Variants in CNTLN observed in about 807,000 individuals in gnomAD.
CNTLN encodes the protein centlein, centrosomal protein.
CNTLN carries 212 observed loss-of-function variants against 180.0 expected under a neutral mutation model. The observed-to-expected ratio is 1.18, with a 90% CI of 1.05 to 1.32. CNTLN has a LOEUF of 1.32. CNTLN is among the 40% of genes most tolerant of loss of function. The pLI is 0.00. For missense variants in CNTLN, 2,095 were observed against 1,610.9 expected, an observed-to-expected ratio of 1.30 and a Z score of -5.14; for synonymous variants, 722 against 563.1, an observed-to-expected ratio of 1.28 and a Z score of -3.99.
chr9:17,229,229 A>G (rs1246667479), intron 3 of CNTLN, among the ~76,000 whole-genome samples: 1 of 152,104 alleles, frequency 6.6e-6, no homozygotes, highest in Non-Finnish European at 1.5e-5. Context: ...TCATTGTCGT[A>G]AAATGCTGCA....
intron 25 of CNTLN, chr9:17,495,071 G>T: frequency 2.7e-6 from 1 of 363,796 alleles, no homozygotes; most frequent in Non-Finnish European, 5.4e-6. Flanking sequence ...GCAGAGATTG[G>T]GTTTTGCCAT....
intron 23 of CNTLN, among the ~76,000 whole-genome samples, chr9:17,477,799 A>G (rs916832545): frequency 2.0e-5 from 3 of 152,278 alleles, no homozygotes; most frequent in Non-Finnish European, 4.4e-5. Context: ...AAATGACAAC[A>G]AAAGTTTTAG....
chr9:17,231,439 A>G (rs1824808196), intron 3 of CNTLN, among the ~76,000 whole-genome samples: 2 of 152,050 alleles, frequency 1.3e-5, no homozygotes, highest in East Asian at 1.9e-4. Context: ...GGGTAAGACT[A>G]TGTTTTAGCT....
At chr9:17,428,948 C>T (rs868700450) in intron 18 of CNTLN, among the ~76,000 whole-genome samples, 1 of 151,512 alleles carries the variant, frequency 6.6e-6, no homozygotes, top group African/African-American at 2.4e-5. Flanking sequence ...TAATTTATTC[C>T]AGCTCATTCC....
intron 15 of CNTLN, among the ~76,000 whole-genome samples, chr9:17,407,087 G>C (rs892695588): frequency 4.6e-5 from 7 of 152,184 alleles, no homozygotes; most frequent in Admixed American, 2.0e-4. Flanking sequence ...TTCTGATTCA[G>C]AAATAATGAA....
intron 2 of CNTLN, among the ~76,000 whole-genome samples, chr9:17,195,389 C>G (rs1452210477): frequency 2.0e-5 from 3 of 152,092 alleles, no homozygotes; most frequent in Non-Finnish European, 4.4e-5. Flanking sequence ...TGATCTTTTC[C>G]TTGTATCCTT....
chr9:17,360,442 C>A (rs1350311058), intron 12 of CNTLN, among the ~76,000 whole-genome samples: 1 of 152,158 alleles, frequency 6.6e-6, no homozygotes, highest in Middle Eastern at 3.4e-3. Context: ...CTAAACTGAC[C>A]TTATCAGGAT....
At chr9:17,461,338 G>A (rs776746155) in intron 19 of CNTLN, among the ~76,000 whole-genome samples, 2 of 151,528 alleles carry the variant, frequency 1.3e-5, no homozygotes, top group Non-Finnish European at 3.0e-5. Context: ...GACTAGTGTG[G>A]AACATGTTAT....
chr9:17,431,928 T>G (rs138894335), intron 18 of CNTLN, among the ~76,000 whole-genome samples: 135 of 152,318 alleles, frequency 8.9e-4, no homozygotes, highest in Admixed American at 1.4e-3. Context: ...TTAAAGCACT[T>G]CTCTGCATGC....
At chr9:17,204,802 C>G (rs143809247) in intron 2 of CNTLN, among the ~76,000 whole-genome samples, 29 of 152,312 alleles carry the variant, frequency 1.9e-4, no homozygotes, top group South Asian at 1.4e-3. Context: ...GCCCCTCCCC[C>G]CAGGTGCTCT....
intron 2 of CNTLN, among the ~76,000 whole-genome samples, chr9:17,212,857 A>G (rs1260702616): frequency 6.6e-6 from 1 of 152,140 alleles, no homozygotes; most frequent in African/African-American, 2.4e-5. Context: ...TGTTTATAGT[A>G]TTCTCTGATG....
intron 14 of CNTLN, among the ~76,000 whole-genome samples, chr9:17,390,188 A>G (rs1029943693): frequency 6.7e-6 from 1 of 149,948 alleles, no homozygotes; most frequent in Admixed American, 6.6e-5. Flanking sequence ...CACACATTTC[A>G]TAGCTTCATA....
At position 17,288,083 on chromosome 9, in the gene CNTLN, C is replaced by G. The variant is rs1009527437; in HGVS notation, c.984-10107C>G. On this transcript the variant is annotated intron_variant, in intron 6 of 25. Coordinates refer to ENST00000380647, the MANE Select transcript of CNTLN (RefSeq NM_017738.4). ...TGTGTTTGGTCTTGCTTTTCTAGTT[C>G]TTTTAATTGTGATGTTAGGGTGTCA... is the stretch of plus-strand genomic sequence containing the variant. Among the ~76,000 whole-genome samples, 54 of 134,150 alleles carry G rather than the reference C, an allele frequency of 4.0e-4. 3 individuals carry two copies. Among genetic ancestry groups the G allele is most frequent in the Non-Finnish European group, 6.0e-4 (39 of 65,016 alleles). The allele number at this position is 134,150 out of a possible 152,430, so 88.0% of individuals were successfully genotyped here.
chr9:17,505,150 A>AG (rs397797747), downstream of CNTLN, among the ~76,000 whole-genome samples: 1 of 151,230 alleles, frequency 6.6e-6, no homozygotes, highest in Non-Finnish European at 1.5e-5. Context: ...TTTAAAAAAA[A>AG]CTCAGAAAAC....
chr9:17,444,035 G>C (rs1346838945), intron 18 of CNTLN, among the ~76,000 whole-genome samples: 1 of 152,206 alleles, frequency 6.6e-6, no homozygotes, highest in Non-Finnish European at 1.5e-5. Flanking sequence ...TAACAAGACT[G>C]TCTTGATAGC....
intron 18 of CNTLN, among the ~76,000 whole-genome samples, chr9:17,441,547 A>G (rs913666210): frequency 6.6e-6 from 1 of 151,888 alleles, no homozygotes; most frequent in Non-Finnish European, 1.5e-5. Flanking sequence ...AAATACCTAT[A>G]GAAGATACAT....
intron 2 of CNTLN, among the ~76,000 whole-genome samples, chr9:17,203,214 C>T (rs1822674165): frequency 6.6e-6 from 1 of 152,180 alleles, no homozygotes; most frequent in Non-Finnish European, 1.5e-5. Context: ...CACTGTTAGT[C>T]TGATAGGCTG....
At chr9:17,159,669 A>G (rs1819542178) in intron 2 of CNTLN, among the ~76,000 whole-genome samples, 1 of 152,158 alleles carries the variant, frequency 6.6e-6, no homozygotes, top group Non-Finnish European at 1.5e-5. Context: ...AAACCCTCCA[A>G]CTGGGAACAG....
At chr9:17,241,582 T>A (rs1825495930) in intron 5 of CNTLN, among the ~76,000 whole-genome samples, 1 of 152,108 alleles carries the variant, frequency 6.6e-6, no homozygotes, top group Admixed American at 6.6e-5. Flanking sequence ...AAAAAAATTC[T>A]GCGAAGAATG....
Sources: allele counts gnomAD v4.1 joint callset (sites outside exome capture counted in the v4.1 genomes callset), GRCh38; gene constraint gnomAD v4.1.1; transcripts MANE v1.5; gene names NCBI Gene and HGNC (gene_info 2026-07-23, HGNC 2026-07-21).